The following JAKMIP3 variants were observed in gnomAD, a reference collection of about 807,000 sequenced individuals.
JAKMIP3 encodes Janus kinase and microtubule interacting protein 3.
In JAKMIP3, 58 loss-of-function variants were observed where a neutral mutation model predicts 118.5. The observed-to-expected ratio is 0.49, with a 90% CI of 0.40 to 0.61. The LOEUF (loss-of-function observed/expected upper bound fraction) is 0.61, where lower values mean the gene tolerates loss of function less well. JAKMIP3 is among the 20% of genes least tolerant of loss of function. The probability of loss-of-function intolerance (pLI) is 0.00; values close to 1 mark genes in which losing one functional copy is unlikely to be tolerated. For missense variants in JAKMIP3, 950 were observed against 1,109.0 expected, an observed-to-expected ratio of 0.86 and a Z score of 2.04; for synonymous variants, 486 against 451.2, an observed-to-expected ratio of 1.08 and a Z score of -0.98.
intron 11 of JAKMIP3, among the ~76,000 whole-genome samples, chr10:132,143,053 C>T (rs1217385837): frequency 6.6e-6 from 1 of 152,068 alleles, no homozygotes; most frequent in Non-Finnish European, 1.5e-5. Context: ...GCTGGTTTCC[C>T]TCCTGCCTTC....
At chr10:132,087,536 G>A (rs1365568494) in intron 1 of JAKMIP3, among the ~76,000 whole-genome samples, 1 of 151,894 alleles carries the variant, frequency 6.6e-6, no homozygotes, top group Non-Finnish European at 1.5e-5. Flanking sequence ...AGACTTCTTG[G>A]AGGCTTTGTT....
At chr10:132,163,084 C>A in intron 19 of JAKMIP3, 125 bp from the exon 20 acceptor site, 2 of 907,408 alleles carry the variant, frequency 2.2e-6, no homozygotes, top group South Asian at 3.4e-5. Flanking sequence ...GCACTGGGTC[C>A]CTCCCTGTTG....
rs1322589544 is a variant in JAKMIP3 at position 132,141,977 on chromosome 10, G to A, written c.1531G>A (p.Ala511Thr). 6.2e-7 allele frequency: 1 copy of A among 1,601,426 alleles called. No homozygotes were observed. The highest frequency in any genetic ancestry group is 8.5e-7 in the Non-Finnish European group (1 of 1,174,400). The change falls in exon 11 of 24, where the codon GCC (alanine) becomes ACC (threonine). Residue 511 changes from alanine to threonine, a missense_variant. Physicochemically the swap from Ala to Thr is moderately conservative, Grantham distance 58 (BLOSUM62 0). Coordinates refer to ENST00000684848, the MANE Select transcript of JAKMIP3 (RefSeq NM_001323087.2). ...CCGGCAGCTGACCATGGAGTACCAG[G>A]CCCTGCAGCGTGCCTACGCTTTGTT... ...RFRQLTMEYQALQRAYALLQE... is the reference protein window; with the variant it reads ...RFRQLTMEYQTLQRAYALLQE...
intron 1 of JAKMIP3, among the ~76,000 whole-genome samples, chr10:132,099,149 A>T (rs2044429657): frequency 6.6e-6 from 1 of 152,082 alleles, no homozygotes; most frequent in African/African-American, 2.4e-5. Context: ...GTGGTATTGA[A>T]GCCCAAATCC....
intron 1 of JAKMIP3, among the ~76,000 whole-genome samples, chr10:132,088,121 G>A (rs191558854): frequency 0.029 from 4,482 of 152,000 alleles, 108 homozygotes; most frequent in South Asian, 0.14. Flanking sequence ...TGGACATTTG[G>A]GTTGGTTCCA....
chr10:132,092,554 C>T (rs965536179), intron 1 of JAKMIP3, among the ~76,000 whole-genome samples: 12 of 152,214 alleles, frequency 7.9e-5, no homozygotes, highest in African/African-American at 2.9e-4. Context: ...TCCAGTTGAT[C>T]GAATCGGCTA....
chr10:132,098,870 C>T (rs1387087589), intron 1 of JAKMIP3, among the ~76,000 whole-genome samples: 1 of 152,234 alleles, frequency 6.6e-6, no homozygotes, highest in African/African-American at 2.4e-5. Flanking sequence ...CTCCTTCCTC[C>T]TGGAGAGACA....
intron 6 of JAKMIP3, 112 bp downstream of exon 6, chr10:132,136,188 A>G: frequency 1.7e-6 from 2 of 1,166,554 alleles, no homozygotes; most frequent in South Asian, 1.5e-5. Flanking sequence ...GCGGGTGGCC[A>G]GGCCTTCTGC....
At chr10:132,162,080 C>T (rs1312518582) in intron 19 of JAKMIP3, among the ~76,000 whole-genome samples, 1 of 123,400 alleles carries the variant, frequency 8.1e-6, no homozygotes, top group Non-Finnish European at 2.0e-5. Context: ...CTCAGGTGAC[C>T]CACAGGCCTG....
upstream of JAKMIP3, among the ~76,000 whole-genome samples, chr10:132,063,052 G>A (rs2038454062): frequency 6.6e-6 from 1 of 152,236 alleles, no homozygotes. Context: ...GGGCCAGCAG[G>A]ACGGGTGGGT....
At chr10:132,120,433 A>G (rs1297931295) in intron 3 of JAKMIP3, among the ~76,000 whole-genome samples, 1 of 151,400 alleles carries the variant, frequency 6.6e-6, no homozygotes, top group Non-Finnish European at 1.5e-5. Context: ...TCCTTCCTCC[A>G]CCCCTGACCA....
intron 1 of JAKMIP3, among the ~76,000 whole-genome samples, chr10:132,098,065 T>G (rs2044272627): frequency 6.7e-6 from 1 of 149,690 alleles, no homozygotes; most frequent in Non-Finnish European, 1.5e-5. Context: ...AGACAAGGTC[T>G]TCCTCTGTTG....
intron 11 of JAKMIP3, 145 bp downstream of exon 11, chr10:132,142,193 C>T (rs2053657631): frequency 2.2e-6 from 2 of 901,764 alleles, no homozygotes; most frequent in African/African-American, 1.7e-5. Context: ...TGGTGGTGCC[C>T]ATGGAAGCCG....
Position 132,180,523 on chromosome 10 carries a change from C to CTGTGTGTGTGTGTGTG in JAKMIP3, c.*1104-1827_*1104-1812dup, listed in dbSNP as rs760742595. Among the ~76,000 whole-genome samples, 2 of 74,444 alleles carry CTGTGTGTGTGTGTGTG rather than the reference C, an allele frequency of 2.7e-5. 1 individual carries two copies. The highest frequency in any genetic ancestry group is 1.7e-4 in the African/African-American group (2 of 11,726). The allele number at this position is 74,444 out of a possible 152,430, so 48.8% of individuals were successfully genotyped here. ...GAAGACTGCAAACCTGGAAGCAGAACTGTGTGTGTGTGTGTGTGTGTGCGT... is the reference window on the plus strand; with the variant it reads ...GAAGACTGCAAACCTGGAAGCAGAACTGTGTGTGTGTGTGTGTGTGTGTGTGTGTGTGTGTGTGCGT... On this transcript the variant is annotated intron_variant, in intron 23 of 23. Coordinates refer to ENST00000684848, the MANE Select transcript of JAKMIP3 (RefSeq NM_001323087.2).
intron 11 of JAKMIP3, 94 bp downstream of exon 11, chr10:132,142,142 C>T (rs1191059266): frequency 1.5e-6 from 2 of 1,368,686 alleles, no homozygotes; most frequent in African/African-American, 2.9e-5. Context: ...ACTAGCCCTC[C>T]TGGGCCCGGG....
intron 23 of JAKMIP3, among the ~76,000 whole-genome samples, chr10:132,178,349 G>A (rs1312898838): frequency 6.6e-6 from 1 of 152,220 alleles, no homozygotes; most frequent in African/African-American, 2.4e-5. Flanking sequence ...CCCATGAAGG[G>A]GGTAGAGGAG....
At chr10:132,058,396 G>A (rs2133838052) in intron 1 of JAKMIP3, among the ~76,000 whole-genome samples, 1 of 152,322 alleles carries the variant, frequency 6.6e-6, no homozygotes, top group African/African-American at 2.4e-5. Flanking sequence ...GGCGCAGGGT[G>A]ACGGCCTCCA....
chr10:132,131,408 G>T (rs906877568), intron 3 of JAKMIP3, among the ~76,000 whole-genome samples: 1 of 151,328 alleles, frequency 6.6e-6, no homozygotes, highest in African/African-American at 2.4e-5. Flanking sequence ...GGGGAGATGG[G>T]AGCTTATGGG....
At chr10:132,162,425 C>T (rs1160651866) in intron 19 of JAKMIP3, among the ~76,000 whole-genome samples, 1 of 152,214 alleles carries the variant, frequency 6.6e-6, no homozygotes, top group East Asian at 1.9e-4. Context: ...TTAAAGGCAC[C>T]AAGCTCTTTT....
Sources: gnomAD v4.1 joint callset for allele counts (sites outside exome capture counted in the v4.1 genomes callset) on GRCh38, gnomAD v4.1.1 for gene constraint, MANE v1.5 for transcripts, NCBI Gene and HGNC (gene_info 2026-07-23, HGNC 2026-07-21) for gene names.